F13B: variants seen among roughly 807,000 people sequenced by gnomAD.
The protein encoded by F13B is coagulation factor XIII B chain.
A neutral mutation model predicts 79.8 loss-of-function variants in F13B; 58 were observed. That is an observed-to-expected ratio of 0.73 (90% confidence interval 0.59 to 0.90). The LOEUF is 0.90. Among genes scored for constraint, F13B ranks in the 40% least tolerant of loss-of-function variants. The pLI is 0.00. For missense variants in F13B, 773 were observed against 777.0 expected (o/e 0.99, Z 0.06); for synonymous variants, 283 against 260.3 (o/e 1.09, Z -0.84).
intron 11 of F13B, among the ~76,000 whole-genome samples, 163 bp from the exon 12 acceptor site, chr1:197,039,574 TA>T (rs1410879291): frequency 6.6e-6 from 1 of 152,086 alleles, no homozygotes; most frequent in Non-Finnish European, 1.5e-5. Context: ...AGTTCCCTTT[TA>T]AAAATGCAAT....
chr1:197,045,437 A>G (rs2125057060), intron 10 of F13B, among the ~76,000 whole-genome samples: 1 of 152,318 alleles, frequency 6.6e-6, no homozygotes, highest in Non-Finnish European at 1.5e-5. Flanking sequence ...CTGGACACAT[A>G]CACCCTTCCA....
In F13B at chr1:197,040,460, GA is replaced by G. The variant is rs1449199156; in HGVS notation, c.1952+61del. The G allele has an allele frequency of 2.6e-6, 3 of 1,165,432 alleles. No homozygotes were observed. The African/African-American group carries it at 4.6e-5, about 18-fold the overall frequency. 72.2% of individuals were successfully genotyped at this position (1,165,432 alleles called of 1,614,324 possible). On this transcript the variant is annotated intron_variant, in intron 11 of 11. Coordinates refer to ENST00000367412, the MANE Select transcript of F13B (RefSeq NM_001994.3). ...GAGTGGTATAGAACATAACATTTCT[GA>G]AATGTTGAATAACAATCTGACCAAA... is the stretch of plus-strand genomic sequence containing the variant.
intron 4 of F13B, 91 bp downstream of exon 4, chr1:197,060,808 G>A: frequency 1.6e-6 from 2 of 1,225,000 alleles, no homozygotes; most frequent in Non-Finnish European, 2.4e-6. Context: ...ATGAAAAGGT[G>A]AAACATAATG....
chr1:197,060,401 T>A lies in F13B; in HGVS notation c.770A>T (p.Asn257Ile). 6.2e-7 allele frequency: 1 copy of A among 1,612,570 alleles called. No individual in the cohort carries two copies. The highest frequency in any genetic ancestry group is 8.5e-7 in the Non-Finnish European group (1 of 1,179,032). ...LSGSDLIQCYNFGWYPESPVC... is the reference protein window; with the variant it reads ...LSGSDLIQCYIFGWYPESPVC... ...AGGAGATTCTGGGTACCAACCAAAG[T>A]TATAGCATTGAATTAAATCAGATCC... Residue 257 changes from asparagine (N) to isoleucine (I), a missense_variant, in exon 5 of 12, where the codon AAC becomes ATC. Coordinates refer to ENST00000367412, the MANE Select transcript of F13B (RefSeq NM_001994.3).
chr1:197,059,702 C>A (rs915826609), intron 5 of F13B, among the ~76,000 whole-genome samples: 1 of 152,140 alleles, frequency 6.6e-6, no homozygotes, highest in Non-Finnish European at 1.5e-5. Context: ...CCATTTGTCA[C>A]ATTATAGCAA....
In F13B at chr1:197,040,449, A is replaced by G. The variant is rs979552935; in HGVS notation, c.1952+73T>C. On this transcript the variant is annotated intron_variant, in intron 11 of 11. Transcript: ENST00000367412. ...CCATAAAGTATGAGTGGTATAGAAC[A>G]TAACATTTCTGAAATGTTGAATAAC... The G allele has an allele frequency of 1.2e-5, 13 of 1,055,938 alleles. No homozygotes were observed. The African/African-American group carries it at 1.4e-4, about 11-fold the overall frequency. The allele number at this position is 1,055,938 out of a possible 1,614,324, so 65.4% of individuals were successfully genotyped here.
At chr1:197,066,962 GACTTATGCT>G (rs1656075552) in intron 1 of F13B, among the ~76,000 whole-genome samples, 189 bp downstream of exon 1, 1 of 152,096 alleles carries the variant, frequency 6.6e-6, no homozygotes, top group East Asian at 1.9e-4. Context: ...TTGCTTTTCT[GACTTATGCT>G]ACTGTAAGAA....
At position 197,062,889 on chromosome 1, in the gene F13B, GTTGTACA is replaced by G; in HGVS notation, c.226_232del (p.Cys76GlnfsTer19). The G allele has an allele frequency of 6.2e-7, 1 of 1,613,866 alleles. No homozygotes were observed. The highest frequency in any genetic ancestry group is 8.5e-7 in the Non-Finnish European group (1 of 1,179,806). The stretch of plus-strand genomic sequence containing the variant: ...CCTTGGCTCTGGAGACCAGCCTTCT[GTTGTACA>G]CGTGGTTTGCTCTTCTTGTCTTCCA... On this transcript the variant is annotated frameshift_variant, in exon 2 of 12. Coordinates refer to ENST00000367412, the MANE Select transcript of F13B (RefSeq NM_001994.3). LOFTEE classifies it high-confidence loss of function.
At chr1:197,062,281 C>T (rs1655892570) in intron 2 of F13B, among the ~76,000 whole-genome samples, 1 of 152,092 alleles carries the variant, frequency 6.6e-6, no homozygotes, top group Non-Finnish European at 1.5e-5. Context: ...CTCTGGGTCA[C>T]CTGCCCTAGT....
intron 10 of F13B, among the ~76,000 whole-genome samples, chr1:197,046,325 T>C (rs567054081): frequency 2.0e-5 from 3 of 152,264 alleles, no homozygotes; most frequent in Admixed American, 1.3e-4. Flanking sequence ...AGTCTCAGGA[T>C]ACAAAATCAA....
At chr1:197,055,307 T>C (rs1348216089) in intron 8 of F13B, among the ~76,000 whole-genome samples, 2 of 151,968 alleles carry the variant, frequency 1.3e-5, no homozygotes, top group African/African-American at 4.8e-5. Context: ...TACTCTATAA[T>C]ATATTAGCAA....
chr1:197,048,226 T>C (rs140084606), intron 10 of F13B, among the ~76,000 whole-genome samples: 82 of 151,556 alleles, frequency 5.4e-4, no homozygotes, highest in Non-Finnish European at 1.3e-4. Context: ...ACATGGAGTA[T>C]AGTAACATAC....
At chr1:197,041,004 T>G (rs1318500074) in intron 10 of F13B, among the ~76,000 whole-genome samples, 1 of 152,086 alleles carries the variant, frequency 6.6e-6, no homozygotes, top group African/African-American at 2.4e-5. Context: ...GTATTTTAGT[T>G]TTATGTCATT....
Position 197,039,247 on chromosome 1 carries a change from C to A in F13B, c.*131G>T. ...CATTTATAAATAACGAAATGTTCAG[C>A]ACAAATAATTTAGATTCAAATATTT... On this transcript the variant is annotated 3_prime_UTR_variant, in exon 12 of 12. Coordinates refer to ENST00000367412, the MANE Select transcript of F13B (RefSeq NM_001994.3). The A allele has an allele frequency of 1.3e-6, 1 of 753,380 alleles. No homozygotes were observed. Among genetic ancestry groups the A allele is most frequent in the Non-Finnish European group, 2.3e-6 (1 of 441,792 alleles). 46.7% of individuals were successfully genotyped at this position (753,380 alleles called of 1,614,324 possible).
intron 10 of F13B, among the ~76,000 whole-genome samples, chr1:197,050,194 T>C (rs1052798573): frequency 6.6e-6 from 1 of 152,094 alleles, no homozygotes; most frequent in Non-Finnish European, 1.5e-5. Flanking sequence ...AAGTCAGAAT[T>C]GGAAATAAAA....
Position 197,061,065 on chromosome 1 carries a change from C to A in F13B, c.462G>T (p.Leu154Phe). The change falls in exon 4 of 12, where the codon TTG (leucine) becomes TTT (phenylalanine). Residue 154 changes from leucine (L) to phenylalanine (F), a missense_variant. By Grantham distance (22) the Leu-to-Phe change is conservative (BLOSUM62 0). Coordinates refer to ENST00000367412, the MANE Select transcript of F13B (RefSeq NM_001994.3). ...PTCRKEHETC[L>F]APELYNGNYS... is the part of the protein sequence containing the mutation. ...AATTTCCATTATATAATTCAGGAGC[C>A]AAACATGTTTCTAAAATTATAAAAA... 6.7e-7 allele frequency: 1 copy of A among 1,500,046 alleles called. No individual in the cohort carries two copies. The highest frequency in any genetic ancestry group is 2.3e-5 in the East Asian group (1 of 43,086). The allele number at this position is 1,500,046 out of a possible 1,614,324, so 92.9% of individuals were successfully genotyped here.
Position 197,053,674 on chromosome 1 carries a change from G to GA in F13B, c.1355-841dup, listed in dbSNP as rs1655532811. ...AACTACAGCATAAGATAAATTAGAT[G>GA]AAAAAAAGAGTACTGGAGCAGGAGG... On this transcript the variant is annotated intron_variant, in intron 8 of 11. Coordinates refer to ENST00000367412, the MANE Select transcript of F13B (RefSeq NM_001994.3). Among the ~76,000 whole-genome samples, 3 of 152,076 alleles carry GA rather than the reference G, an allele frequency of 2.0e-5. No individual in the cohort carries two copies. The South Asian group carries it at 6.2e-4, about 31-fold the overall frequency.
intron 10 of F13B, 80 bp from the exon 11 acceptor site, chr1:197,040,815 G>A (rs1399942604): frequency 9.3e-6 from 11 of 1,180,720 alleles, no homozygotes; most frequent in Non-Finnish European, 1.3e-5. Flanking sequence ...AGGAATCGTT[G>A]TGTTGCCTAC....
intron 9 of F13B, 121 bp from the exon 10 acceptor site, chr1:197,051,000 T>C (rs1311093671): frequency 2.5e-6 from 2 of 808,584 alleles, no homozygotes; most frequent in Non-Finnish European, 4.0e-6. Flanking sequence ...GGCATGATCA[T>C]GACTCACTGC....
Sources: allele counts gnomAD v4.1 joint callset (sites outside exome capture counted in the v4.1 genomes callset), GRCh38; gene constraint gnomAD v4.1.1; transcripts MANE v1.5; gene names NCBI Gene and HGNC (gene_info 2026-07-23, HGNC 2026-07-21).